Variants in UBE2G2 observed in about 807,000 individuals in gnomAD.
UBE2G2 encodes ubiquitin-conjugating enzyme E2 G2.
A neutral mutation model predicts 23.0 loss-of-function variants in UBE2G2; 10 were observed. The observed-to-expected ratio is 0.43, with a 90% CI of 0.27 to 0.74. UBE2G2 has a LOEUF of 0.74. Among genes scored for constraint, UBE2G2 ranks in the 30% least tolerant of loss-of-function variants. The pLI is 0.19. For missense variants in UBE2G2, 150 were observed against 218.3 expected (o/e 0.69, Z 1.97); for synonymous variants, 86 against 81.3 (o/e 1.06, Z -0.31).
chr21:44,771,256 G>A lies in UBE2G2; in HGVS notation c.*121C>T. 1 of 823,888 alleles carries A rather than the reference G, an allele frequency of 1.2e-6. No homozygotes were observed. The highest frequency in any genetic ancestry group is 1.9e-6 in the Non-Finnish European group (1 of 524,334). The allele number at this position is 823,888 out of a possible 1,614,324, so 51.0% of individuals were successfully genotyped here. On this transcript the variant is annotated 3_prime_UTR_variant, in exon 6 of 6. Transcript: ENST00000345496. The surrounding 1 kb of genome is among the most constrained non-coding windows in gnomAD (Gnocchi z 4.6). ...GAAAGGTTTGAAAAAAAAAAAAGATGCCATGGTTCTTGCAAGTCTGCCTTG... is the reference window on the plus strand; with the variant it reads ...GAAAGGTTTGAAAAAAAAAAAAGATACCATGGTTCTTGCAAGTCTGCCTTG...
In UBE2G2 at chr21:44,801,769, G is replaced by A. The variant is rs1171128812; in HGVS notation, c.-21C>T. 1.3e-6 allele frequency: 2 copies of A among 1,512,632 alleles called. No individual in the cohort carries two copies. The highest frequency in any genetic ancestry group is 1.2e-5 in the South Asian group (1 of 80,200). The allele number at this position is 1,512,632 out of a possible 1,614,324, so 93.7% of individuals were successfully genotyped here. On this transcript the variant is annotated 5_prime_UTR_variant, in exon 1 of 6. Transcript: ENST00000345496. ...GCCATGGCCCCGCAACAGCTGCGCC[G>A]AGCGACCTCGCCTCAGCCGCGCGCG...
intron 4 of UBE2G2, among the ~76,000 whole-genome samples, chr21:44,775,977 A>C (rs2082910486): frequency 6.6e-6 from 1 of 152,192 alleles, no homozygotes; most frequent in Non-Finnish European, 1.5e-5. Context: ...CTTTGAGATA[A>C]GAAAAGAAGT....
chr21:44,794,352 T>C (rs2083068695), intron 1 of UBE2G2, among the ~76,000 whole-genome samples: 1 of 152,164 alleles, frequency 6.6e-6, no homozygotes. Flanking sequence ...ATGGAAAACT[T>C]TGATATGGAT....
chr21:44,801,474 C>A, intron 1 of UBE2G2: 1 of 1,129,266 alleles, frequency 8.9e-7, no homozygotes, highest in Non-Finnish European at 1.1e-6. Flanking sequence ...TCAACTAACA[C>A]GGCGCCGGCG....
chr21:44,769,263 A>G lies in UBE2G2; in HGVS notation c.*2114T>C, dbSNP rs1555959475. The G allele has an allele frequency of 1.3e-5, 2 of 152,200 alleles. No homozygotes were observed. The highest frequency in any genetic ancestry group is 6.5e-5 in the Admixed American group (1 of 15,276). The allele number at this position is 152,200 out of a possible 1,614,324, so 9.4% of individuals were successfully genotyped here. A position where few individuals can be genotyped will look rare whatever the true frequency, so the allele number is the denominator to read the frequency against. On this transcript the variant is annotated 3_prime_UTR_variant, in exon 6 of 6. Coordinates refer to ENST00000345496, the MANE Select transcript of UBE2G2 (RefSeq NM_003343.6). ...CCCACAGACCCCGTCTACTTGCACA[A>G]ATGACTCTTCTTTACAGAGAGGGCT...
rs191073857 is a variant in UBE2G2, at chr21:44,801,582, G to T, written c.43+124C>A. The T allele has an allele frequency of 1.6e-3, 2,066 of 1,309,468 alleles. 57 individuals carry two copies. In the East Asian group the frequency reaches 0.047, roughly 30 times the overall value. The allele number at this position is 1,309,468 out of a possible 1,614,324, so 81.1% of individuals were successfully genotyped here. A position where few individuals can be genotyped will look rare whatever the true frequency, so the allele number is the denominator to read the frequency against. ...CGGCACTCCGCGGGACCCACAGGGG[G>T]GCTCACGGTGGAGGCCCCGGGCCCG... On this transcript the variant is annotated intron_variant, in intron 1 of 5. Transcript: ENST00000345496.
chr21:44,771,732 T>C lies in UBE2G2; in HGVS notation c.386-243A>G, dbSNP rs2082876545. On this transcript the variant is annotated intron_variant, in intron 5 of 5. Coordinates refer to ENST00000345496, the MANE Select transcript of UBE2G2 (RefSeq NM_003343.6). The surrounding 1 kb of genome is among the most constrained non-coding windows in gnomAD (Gnocchi z 4.6). Reference sequence around the variant, plus strand: ...CTGAAGACACCAGGACAAGTTGTCATCTGTCTTGCTGTGGAACATGCGACA... The same window carrying C: ...CTGAAGACACCAGGACAAGTTGTCACCTGTCTTGCTGTGGAACATGCGACA... 6.6e-6 allele frequency among the ~76,000 whole-genome samples: 1 copy of C among 152,152 alleles called. No individual in the cohort carries two copies. The highest frequency in any genetic ancestry group is 6.5e-5 in the Admixed American group (1 of 15,284).
chr21:44,799,254 T>G (rs1223222680), intron 1 of UBE2G2, among the ~76,000 whole-genome samples: 2 of 152,308 alleles, frequency 1.3e-5, no homozygotes, highest in Admixed American at 1.3e-4. Flanking sequence ...TTCAACTCAG[T>G]CAACTTAAAG....
intron 1 of UBE2G2, among the ~76,000 whole-genome samples, chr21:44,799,199 T>A (rs1426899301): frequency 2.6e-5 from 4 of 152,196 alleles, no homozygotes; most frequent in Non-Finnish European, 5.9e-5. Flanking sequence ...TTTAGCATAA[T>A]TTTTAAGGGC....
chr21:44,777,349 G>A lies in UBE2G2; in HGVS notation c.194C>T (p.Pro65Leu), dbSNP rs782211607. The A allele has an allele frequency of 5.0e-6, 8 of 1,614,038 alleles. No homozygotes were observed. Among genetic ancestry groups the A allele is most frequent in the Non-Finnish European group, 6.8e-6 (8 of 1,180,010 alleles). The change falls in exon 4 of 6, where the codon CCG becomes CTG. Residue 65 changes from proline to leucine, a missense_variant. Coordinates refer to ENST00000345496, the MANE Select transcript of UBE2G2 (RefSeq NM_003343.6). ...AAATCTCATCTTTGGGGGACTTAAC[G>A]GGTAATCAAGTGGGAAACTCAGGAT... ...PAILSFPLDY[P>L]LSPPKMRFTC...
chr21:44,790,444 T>A (rs1046780369), intron 1 of UBE2G2, among the ~76,000 whole-genome samples: 3 of 152,264 alleles, frequency 2.0e-5, no homozygotes, highest in African/African-American at 7.2e-5. Flanking sequence ...TGATATGGTT[T>A]GGCTTTGTGT....
At chr21:44,786,961 G>A (rs1015020027) in intron 3 of UBE2G2, among the ~76,000 whole-genome samples, 17 of 151,978 alleles carry the variant, frequency 1.1e-4, no homozygotes, top group Non-Finnish European at 1.8e-4. Context: ...GCACGGTGGT[G>A]GGTACCTGTA....
At chr21:44,784,199 G>A (rs560265416) in intron 3 of UBE2G2, among the ~76,000 whole-genome samples, 1 of 152,068 alleles carries the variant, frequency 6.6e-6, no homozygotes, top group Non-Finnish European at 1.5e-5. Flanking sequence ...GAAAGGAGGG[G>A]AGAAAGGAAG....
Position 44,771,315 on chromosome 21 carries a change from G to A in UBE2G2, c.*62C>T, listed in dbSNP as rs1457807171. On this transcript the variant is annotated 3_prime_UTR_variant, in exon 6 of 6. Coordinates refer to ENST00000345496, the MANE Select transcript of UBE2G2 (RefSeq NM_003343.6). This position sits in a 1 kb window ranked among gnomAD's most constrained non-coding sequence, Gnocchi z 4.6. ...CAGCACAGAGCATCACTGTCACTAA[G>A]TGTGCCGGGGGAGAATGCTGAGCTG... 5 of 1,476,398 alleles carry A rather than the reference G, an allele frequency of 3.4e-6. No individual in the cohort carries two copies. The African/African-American group carries it at 6.9e-5, about 20-fold the overall frequency. The allele number at this position is 1,476,398 out of a possible 1,614,324, so 91.5% of individuals were successfully genotyped here. A position where few individuals can be genotyped will look rare whatever the true frequency, so the allele number is the denominator to read the frequency against.
At position 44,788,013 on chromosome 21, in the gene UBE2G2, T is replaced by C. The variant is rs782248416; in HGVS notation, c.79+47A>G. 10 of 1,610,550 alleles carry C rather than the reference T, an allele frequency of 6.2e-6. No homozygotes were observed. In the Admixed American group the frequency reaches 1.7e-4, roughly 27 times the overall value. ...ACAACATTTTAACTTTGAAGGAACT[T>C]TGGCAATTAAAAGTAAATTATAAGG... On this transcript the variant is annotated intron_variant, in intron 2 of 5. Transcript: ENST00000345496.
rs1183515211 is a variant in UBE2G2, at chr21:44,769,093, C to T, written c.*2284G>A. ...TTTCAACAGTCATTAGGTTCCACCA[C>T]ACAACAGGGACACCATGGGATTGTT... On this transcript the variant is annotated 3_prime_UTR_variant, in exon 6 of 6. Coordinates refer to ENST00000345496, the MANE Select transcript of UBE2G2 (RefSeq NM_003343.6). 1 of 152,202 alleles carries T rather than the reference C, an allele frequency of 6.6e-6. No homozygotes were observed. Among genetic ancestry groups the T allele is most frequent in the Non-Finnish European group, 1.5e-5 (1 of 68,040 alleles). 9.4% of individuals were successfully genotyped at this position (152,202 alleles called of 1,614,324 possible).
At chr21:44,777,157 C>T (rs2082919196) in intron 4 of UBE2G2, 142 bp downstream of exon 4, 3 of 716,088 alleles carry the variant, frequency 4.2e-6, no homozygotes, top group South Asian at 1.9e-5. Context: ...ACCATGCTTA[C>T]TTGGCTGAAT....
At chr21:44,796,641 A>G (rs1555963850) in intron 1 of UBE2G2, among the ~76,000 whole-genome samples, 12 of 152,228 alleles carry the variant, frequency 7.9e-5, no homozygotes, top group Non-Finnish European at 1.8e-4. Context: ...TGCTGTAACA[A>G]ATTACCACAA....
Position 44,773,565 on chromosome 21 carries a change from C to CCGA in UBE2G2, c.364_366dup (p.Ser122dup). The CCGA allele has an allele frequency of 6.2e-7, 1 of 1,609,792 alleles. No individual in the cohort carries two copies. The highest frequency in any genetic ancestry group is 8.5e-7 in the Non-Finnish European group (1 of 1,179,862). On this transcript the variant is annotated inframe_insertion, in exon 5 of 6. Coordinates refer to ENST00000345496, the MANE Select transcript of UBE2G2 (RefSeq NM_003343.6). The stretch of plus-strand genomic sequence containing the variant: ...GCCTTACCTGCCAGCATGCTCACCA[C>CCGA]CGACAGCAGGATCTTCTCCACACTC...
Sources: allele counts gnomAD v4.1 joint callset (sites outside exome capture counted in the v4.1 genomes callset), GRCh38; gene constraint gnomAD v4.1.1; non-coding constraint Gnocchi (gnomAD v3.1); transcripts MANE v1.5; gene names NCBI Gene and HGNC (gene_info 2026-07-23, HGNC 2026-07-21).